Variants in NBPF20 observed in about 807,000 individuals in gnomAD.
The protein encoded by NBPF20 is NBPF member 20.
NBPF20 carries 90 observed loss-of-function variants against 68.1 expected under a neutral mutation model. The ratio of observed to expected loss-of-function variants is 1.32; its 90% CI spans 1.11 to 1.58. The LOEUF (loss-of-function observed/expected upper bound fraction) is 1.58, where lower values mean the gene tolerates loss of function less well. NBPF20 is among the 40% of genes most tolerant of loss of function. NBPF20 has a pLI of 0.00. For synonymous variants in NBPF20, 290 were observed against 228.1 expected, an observed-to-expected ratio of 1.27 and a Z score of -2.45; for missense variants, 816 against 601.2, an observed-to-expected ratio of 1.36 and a Z score of -3.74.
chr1:145,421,912 C>T, the NBPF20 span, among the ~76,000 whole-genome samples: 1 of 152,086 alleles, frequency 6.6e-6, no homozygotes, highest in East Asian at 1.9e-4. Flanking sequence ...GTGGTGCATG[C>T]CTGTAGACCC....
At chr1:145,393,274 A>C (rs1662002406) in intron 9 of NBPF20, 28 bp from the exon 15 acceptor site, 2 of 658,598 alleles carry the variant, frequency 3.0e-6, no homozygotes, top group Middle Eastern at 4.0e-4. Context: ...AGTAAAGAAT[A>C]AGCCAGGGGG....
chr1:145,394,074 T>C, intron 8 of NBPF20, 139 bp from the exon 14 acceptor site: 2 of 674,658 alleles, frequency 3.0e-6, no homozygotes, highest in Non-Finnish European at 5.3e-6. Flanking sequence ...AATATTCCAG[T>C]AGGCCTGAGG....
intron 5 of NBPF20, 60 bp from the exon 11 acceptor site, chr1:145,400,654 G>A: frequency 3.2e-6 from 5 of 1,562,360 alleles, no homozygotes; most frequent in East Asian, 2.2e-5. Context: ...TTGGACCCCA[G>A]GGAGTCCTAG....
chr1:145,403,140 C>T (rs1354636368), intron 3 of NBPF20, 76 bp downstream of exon 8: 197 of 1,561,616 alleles, frequency 1.3e-4, no homozygotes, highest in Admixed American at 1.7e-4. Flanking sequence ...TTAGCTCTTA[C>T]GTCTCCCCAC....
At chr1:145,400,473 T>C in exon 6 of NBPF20, 2 of 1,613,142 alleles carry the variant, frequency 1.2e-6, no homozygotes, top group African/African-American at 2.7e-5. Context: ...TCCTCAAATG[T>C]GATTTTGGTT....
chr1:145,409,253 G>T (rs1389259091), upstream of NBPF20, among the ~76,000 whole-genome samples: 2 of 151,544 alleles, frequency 1.3e-5, no homozygotes, highest in Non-Finnish European at 2.9e-5. Context: ...CCTTCGTGTG[G>T]CTATACCATG....
intron 137 of NBPF20, 75 bp downstream of exon 142, chr1:145,292,306 A>G (rs1316596462): frequency 1.6e-6 from 1 of 620,956 alleles, no homozygotes; most frequent in Non-Finnish European, 2.8e-6. Context: ...GACATCAAAC[A>G]CACTCTGGTT....
chr1:145,393,852 C>G, intron 9 of NBPF20, 32 bp downstream of exon 14: 2 of 1,517,668 alleles, frequency 1.3e-6, no homozygotes, highest in East Asian at 2.2e-5. Flanking sequence ...GTGTCAACAT[C>G]AAATTAACTC....
At chr1:145,413,439 AATAAACTGT>A in the NBPF20 span, among the ~76,000 whole-genome samples, 4 of 152,014 alleles carry the variant, frequency 2.6e-5, no homozygotes, top group Admixed American at 1.3e-4. Flanking sequence ...AGAATGGATC[AATAAACTGT>A]GATACATTCA....
At chr1:145,393,774 G>C in intron 9 of NBPF20, 110 bp downstream of exon 14, 1 of 1,466,280 alleles carries the variant, frequency 6.8e-7, no homozygotes, top group Non-Finnish European at 9.4e-7. Context: ...GCATAATTCA[G>C]ACTTGTCTGA....
At chr1:145,393,678 T>A (rs1553662866) in intron 9 of NBPF20, 3 of 1,391,776 alleles carry the variant, frequency 2.2e-6, no homozygotes, top group Non-Finnish European at 2.9e-6. Flanking sequence ...TATGGTCAAC[T>A]TTCACTAGGT....
exon 9 of NBPF20, chr1:145,393,928 C>G: frequency 1.4e-6 from 2 of 1,393,436 alleles, no homozygotes; most frequent in African/African-American, 1.4e-5. Context: ...CTTGATCCCA[C>G]CGATGTCCTG....
chr1:145,407,463 GTATA>G (rs1162283849), upstream of NBPF20, among the ~76,000 whole-genome samples: 9 of 143,056 alleles, frequency 6.3e-5, no homozygotes, highest in East Asian at 4.0e-4. Context: ...GTGTATACAC[GTATA>G]TATAATATAT....
upstream of NBPF20, among the ~76,000 whole-genome samples, chr1:145,406,068 G>C (rs868994482): frequency 6.8e-6 from 1 of 147,382 alleles, no homozygotes; most frequent in Non-Finnish European, 1.5e-5. Flanking sequence ...ACAGGCACCC[G>C]CCACCACGCC....
the NBPF20 span, among the ~76,000 whole-genome samples, chr1:145,421,766 G>A: frequency 0.012 from 1,775 of 152,212 alleles, 31 homozygotes; most frequent in African/African-American, 0.04. Flanking sequence ...AATGGCCAGC[G>A]GTGATGGCTT....
At chr1:145,292,070 T>A (rs1427864722) in intron 137 of NBPF20, among the ~76,000 whole-genome samples, 1 of 149,450 alleles carries the variant, frequency 6.7e-6, no homozygotes, top group Non-Finnish European at 1.5e-5. Context: ...AGTGTCCTCA[T>A]GACACACAGC....
chr1:145,398,593 A>G (rs1662369587), intron 7 of NBPF20, among the ~76,000 whole-genome samples: 1 of 152,076 alleles, frequency 6.6e-6, no homozygotes, highest in Non-Finnish European at 1.5e-5. Flanking sequence ...TAGAGGGAAA[A>G]TTATAGCACT....
In NBPF20 at chr1:145,403,202, T is replaced by C. The variant is rs1553665914; in HGVS notation, c.278+14A>G. 9 of 1,612,288 alleles carry C rather than the reference T, an allele frequency of 5.6e-6. No homozygotes were observed. The highest frequency in any genetic ancestry group is 3.3e-5 in the South Asian group (3 of 90,998). On this transcript the variant is annotated intron_variant, in intron 3 of 137. Coordinates refer to ENST00000369373, the Ensembl canonical transcript of NBPF20. ...ACACCTGCCCCCCTGCCTGCCACCATGGGGTCCCCTCACCTGAGCTCCTCA... is the reference window on the plus strand; with the variant it reads ...ACACCTGCCCCCCTGCCTGCCACCACGGGGTCCCCTCACCTGAGCTCCTCA...
the NBPF20 span, among the ~76,000 whole-genome samples, chr1:145,424,947 A>C: frequency 1.3e-5 from 2 of 152,172 alleles, no homozygotes; most frequent in Non-Finnish European, 2.9e-5. Flanking sequence ...AAAGACCCCA[A>C]CTTTGCAACC....
Sources: gnomAD v4.1 joint callset for allele counts (sites outside exome capture counted in the v4.1 genomes callset) on GRCh38, gnomAD v4.1.1 for gene constraint, MANE v1.5 for transcripts, NCBI Gene and HGNC (gene_info 2026-07-23, HGNC 2026-07-21) for gene names.